The following MPP7 variants were observed in gnomAD, a reference collection of about 807,000 sequenced individuals.
MPP7 encodes MAGUK p55 subfamily member 7.
In MPP7, 60 loss-of-function variants were observed where a neutral mutation model predicts 76.5. The ratio of observed to expected loss-of-function variants is 0.78; its 90% confidence interval spans 0.64 to 0.97. The LOEUF (loss-of-function observed/expected upper bound fraction) is 0.97. Among genes scored for constraint, MPP7 ranks in the 50% least tolerant of loss-of-function variants. MPP7 has a pLI of 0.00. For synonymous variants in MPP7, 237 were observed against 244.5 expected, an observed-to-expected ratio of 0.97 and a Z score of 0.29; for missense variants, 641 against 694.0, an observed-to-expected ratio of 0.92 and a Z score of 0.86.
intron 2 of MPP7, among the ~76,000 whole-genome samples, chr10:28,238,006 T>C (rs1405001043): frequency 6.6e-6 from 1 of 152,120 alleles, no homozygotes; most frequent in African/African-American, 2.4e-5. Context: ...TAAATACCTA[T>C]TCTAGGTATC....
chr10:28,089,744 G>A lies in MPP7; in HGVS notation c.1050C>T (p.Asp350=), dbSNP rs150334793. ...GTGTCACTTCTTCGTATGTGGGTAC[G>A]TCAGCTGTGTCGTACTGATCACTCT... is the stretch of plus-strand genomic sequence containing the variant. The part of the protein sequence containing the change: ...CKKSDQYDTA[D]VPTYEEVTPY... The change falls in exon 12 of 17, where the codon GAC becomes GAT. Residue 350 remains aspartate, a synonymous_variant. Transcript: ENST00000683449. The A allele has an allele frequency of 1.1e-4, 180 of 1,613,386 alleles. No homozygotes were observed. In the East Asian group the frequency reaches 1.9e-3, roughly 17 times the overall value.
chr10:28,258,607 C>G (rs1014383313), intron 1 of MPP7, among the ~76,000 whole-genome samples: 13 of 151,696 alleles, frequency 8.6e-5, no homozygotes, highest in African/African-American at 3.1e-4. Flanking sequence ...ACCATGTTCA[C>G]CAGGCTGGTC....
intron 3 of MPP7, among the ~76,000 whole-genome samples, chr10:28,201,419 A>T (rs918524623): frequency 1.3e-5 from 2 of 152,178 alleles, no homozygotes; most frequent in African/African-American, 4.8e-5. Flanking sequence ...TAAACTCCAG[A>T]AAGACTCTAA....
chr10:28,191,006 T>A (rs988072714), intron 3 of MPP7, among the ~76,000 whole-genome samples: 7 of 152,156 alleles, frequency 4.6e-5, no homozygotes, highest in Admixed American at 3.9e-4. Context: ...GATGAACAAT[T>A]CTATGCCCTC....
intron 3 of MPP7, among the ~76,000 whole-genome samples, chr10:28,171,554 A>G (rs6481505): frequency 0.13 from 20,479 of 152,222 alleles, 2,067 homozygotes; most frequent in African/African-American, 0.28. Context: ...CACTGGAAAG[A>G]GAAACTATAA....
At chr10:28,205,381 T>C (rs1837918086) in intron 2 of MPP7, among the ~76,000 whole-genome samples, 1 of 152,206 alleles carries the variant, frequency 6.6e-6, no homozygotes, top group Non-Finnish European at 1.5e-5. Context: ...TGAAGAGTTT[T>C]GTGAAATCCA....
chr10:28,100,855 G>A (rs570750457), intron 11 of MPP7, among the ~76,000 whole-genome samples: 11 of 152,102 alleles, frequency 7.2e-5, no homozygotes, highest in South Asian at 6.2e-4. Context: ...CTTACAATTC[G>A]TTTTTAAAGT....
chr10:28,072,736 A>G (rs993204501), intron 12 of MPP7, among the ~76,000 whole-genome samples: 2 of 152,222 alleles, frequency 1.3e-5, no homozygotes, highest in African/African-American at 2.4e-5. Flanking sequence ...GGCCTTTGCC[A>G]TCACTAGGAG....
At chr10:28,290,136 T>C (rs1053166181) in intron 1 of MPP7, among the ~76,000 whole-genome samples, 7 of 152,190 alleles carry the variant, frequency 4.6e-5, no homozygotes, top group Admixed American at 4.6e-4. Context: ...TGATTTCTAA[T>C]GCTATTACGC....
chr10:28,120,793 A>G lies in MPP7; in HGVS notation c.616-125T>C, dbSNP rs1041899969. The stretch of plus-strand genomic sequence containing the variant: ...TGGGGCTTCTACTCTTAGATAGACT[A>G]AACGGAGGAAACTATTTTTGTAGAA... On this transcript the variant is annotated intron_variant, in intron 8 of 16. Transcript: ENST00000683449. 1.8e-5 allele frequency: 11 copies of G among 599,718 alleles called. No individual in the cohort carries two copies. In the African/African-American group the frequency reaches 1.9e-4, roughly 10 times the overall value. 37.1% of individuals were successfully genotyped at this position (599,718 alleles called of 1,614,324 possible).
intron 1 of MPP7, among the ~76,000 whole-genome samples, chr10:28,248,186 C>T (rs1839498266): frequency 6.6e-6 from 1 of 152,120 alleles, no homozygotes; most frequent in Non-Finnish European, 1.5e-5. Context: ...GCTAGCCAAA[C>T]TCTCTTAGAC....
At chr10:28,059,479 G>A (rs1315975020) in intron 14 of MPP7, 171 bp downstream of exon 14, 5 of 518,144 alleles carry the variant, frequency 9.6e-6, no homozygotes, top group Non-Finnish European at 1.3e-5. Context: ...AAAAATTAGA[G>A]GTGAAGATTA....
chr10:28,287,146 C>CA (rs1198159994), intron 1 of MPP7, among the ~76,000 whole-genome samples: 4 of 150,174 alleles, frequency 2.7e-5, no homozygotes, highest in Admixed American at 6.6e-5. Flanking sequence ...CCTGTTGCTT[C>CA]AAAAAAAAAT....
In MPP7 at chr10:28,063,150, C is replaced by T. The variant is rs1004494660; in HGVS notation, c.1205-3407G>A. Among the ~76,000 whole-genome samples, 7 of 152,184 alleles carry T rather than the reference C, an allele frequency of 4.6e-5. No homozygotes were observed. The South Asian group carries it at 6.2e-4, about 14-fold the overall frequency. On this transcript the variant is annotated intron_variant, in intron 13 of 16. Transcript: ENST00000683449. ...GTAAAGAACTCTCAAAACTCAGTCA[C>T]GAGACAAACAGTCCAGTTTTTAAAA...
chr10:28,178,709 A>C (rs975794496), intron 3 of MPP7, among the ~76,000 whole-genome samples: 22 of 152,126 alleles, frequency 1.4e-4, no homozygotes, highest in Non-Finnish European at 2.4e-4. Flanking sequence ...GCTGGAAGAG[A>C]GAAACAAGGT....
intron 1 of MPP7, among the ~76,000 whole-genome samples, chr10:28,288,734 C>T (rs1332820394): frequency 6.6e-6 from 1 of 152,144 alleles, no homozygotes; most frequent in Non-Finnish European, 1.5e-5. Flanking sequence ...GAGGTCAAGG[C>T]TGTGCTTGTT....
chr10:28,069,640 C>T, intron 13 of MPP7, 132 bp downstream of exon 13: 1 of 533,850 alleles, frequency 1.9e-6, no homozygotes, highest in Non-Finnish European at 3.2e-6. Flanking sequence ...CTCACATGCC[C>T]CATAAATACA....
intron 11 of MPP7, among the ~76,000 whole-genome samples, chr10:28,103,109 T>C (rs1328076210): frequency 4.0e-5 from 6 of 151,250 alleles, no homozygotes; most frequent in African/African-American, 9.8e-5. Flanking sequence ...GCGTCCTGTC[T>C]CAGGGCCTTT....
chr10:28,132,825 C>A (rs1319413786), intron 5 of MPP7, among the ~76,000 whole-genome samples: 1 of 130,966 alleles, frequency 7.6e-6, no homozygotes, highest in East Asian at 1.9e-4. Context: ...GTCTTGAACT[C>A]CTGACCTCAT....
Sources: allele counts gnomAD v4.1 joint callset (sites outside exome capture counted in the v4.1 genomes callset), GRCh38; gene constraint gnomAD v4.1.1; transcripts MANE v1.5; gene names NCBI Gene and HGNC (gene_info 2026-07-23, HGNC 2026-07-21).